The following PPP1R12C variants were observed in gnomAD, a reference collection of about 807,000 sequenced individuals.
PPP1R12C encodes the protein protein phosphatase 1 regulatory subunit 12C, also known as leukocyte receptor cluster (LRC) encoded novel gene 3.
A neutral mutation model predicts 95.6 loss-of-function variants in PPP1R12C; 48 were observed. The observed-to-expected ratio is 0.50, with a 90% CI of 0.40 to 0.64. The LOEUF (loss-of-function observed/expected upper bound fraction) is 0.64. Ranked by LOEUF, PPP1R12C falls within the 30% of genes least tolerant of loss-of-function variation. The pLI is 0.00. For missense variants in PPP1R12C, 1,057 were observed against 1,083.3 expected, an observed-to-expected ratio of 0.98 and a Z score of 0.34; for synonymous variants, 480 against 460.8, an observed-to-expected ratio of 1.04 and a Z score of -0.53.
chr19:55,091,544 G>C lies in PPP1R12C; in HGVS notation c.2277C>G (p.Leu759=), dbSNP rs2084839638. The C allele has an allele frequency of 6.2e-7, 1 of 1,613,814 alleles. No homozygotes were observed. The highest frequency in any genetic ancestry group is 1.3e-5 in the African/African-American group (1 of 75,058). Residue 759 remains leucine (L), a synonymous_variant, in exon 22 of 22, where the codon CTC becomes CTG. Transcript: ENST00000263433. The stretch of plus-strand genomic sequence containing the variant: ...CCTTGAGGCGCTGGTTGTCAGCGCG[G>C]AGGTCAGACAGGGCCTGGGGGACGG... ...LEEELKALSD[L]RADNQRLKDE...
At position 55,117,226 on chromosome 19, in the gene PPP1R12C, G is replaced by A. The variant is rs775174452; in HGVS notation, c.318C>T (p.His106=). 1.1e-5 allele frequency: 13 copies of A among 1,225,052 alleles called. No homozygotes were observed. The highest frequency in any genetic ancestry group is 9.7e-5 in the East Asian group (3 of 30,940). 75.9% of individuals were successfully genotyped at this position (1,225,052 alleles called of 1,614,324 possible). ...STNADGISAL[H]QACIDENLEV... Reference sequence around the variant, plus strand: ...ACGCCGGGCGGGGGGCGCTGACCTGGTGCAGGGCGCTGATACCGTCGGCGT... The same window carrying A: ...ACGCCGGGCGGGGGGCGCTGACCTGATGCAGGGCGCTGATACCGTCGGCGT... Residue 106 remains histidine, a synonymous_variant, in exon 1 of 22, where the codon CAC becomes CAT. Coordinates refer to ENST00000263433, the MANE Select transcript of PPP1R12C (RefSeq NM_017607.4).
rs1360733556 is a variant in PPP1R12C, at chr19:55,091,462, TC to T, written c.*9del. 4 of 1,611,922 alleles carry T rather than the reference TC, an allele frequency of 2.5e-6. No homozygotes were observed. Among genetic ancestry groups the T allele is most frequent in the Non-Finnish European group, 3.4e-6 (4 of 1,178,296 alleles). On this transcript the variant is annotated 3_prime_UTR_variant, in exon 22 of 22. Transcript: ENST00000263433. ...CTGTATAAATACGGGTGCGGGAAAG[TC>T]CCTCCGGGTCACTTGGAGAGTTTGC...
Position 55,095,304 on chromosome 19 carries a change from C to G in PPP1R12C, c.1441G>C (p.Glu481Gln). Residue 481 changes from glutamate to glutamine, a missense_variant, in exon 11 of 22, where the codon GAG (glutamate) becomes CAG (glutamine). By Grantham distance (29) the Glu-to-Gln change is conservative. Coordinates refer to ENST00000263433, the MANE Select transcript of PPP1R12C (RefSeq NM_017607.4). Reference protein sequence around the residue: ...ITPTPSPKLPEPSVLSEVTKP... With the variant: ...ITPTPSPKLPQPSVLSEVTKP... ...CTGGGGACTCACAGGACAGAGGGCT[C>G]CGGCAGCTTCGGGGAGGGGGTCGGG... is the stretch of plus-strand genomic sequence containing the variant. 1 of 1,579,616 alleles carries G rather than the reference C, an allele frequency of 6.3e-7. No individual in the cohort carries two copies. The highest frequency in any genetic ancestry group is 2.3e-5 in the East Asian group (1 of 42,740).
rs142728882 is a variant in PPP1R12C at position 55,110,308 on chromosome 19, G to T, written c.571+2159C>A. Reference sequence around the variant, plus strand: ...GGTTGGTGCAGTGGGTGAGAGTGTAGCATCAAGGTTGGTGCGGTGGGTGAG... The same window carrying T: ...GGTTGGTGCAGTGGGTGAGAGTGTATCATCAAGGTTGGTGCGGTGGGTGAG... On this transcript the variant is annotated intron_variant, in intron 3 of 21. Transcript: ENST00000263433. Among the ~76,000 whole-genome samples the T allele has an allele frequency of 5.1e-3, 770 of 151,856 alleles. 6 individuals are homozygous for T. The highest frequency in any genetic ancestry group is 0.018 in the African/African-American group (728 of 41,326).
At chr19:55,104,776 A>T (rs1721259291) in intron 3 of PPP1R12C, among the ~76,000 whole-genome samples, 1 of 151,234 alleles carries the variant, frequency 6.6e-6, no homozygotes, top group African/African-American at 2.4e-5. Context: ...AGTAAACTTT[A>T]GGCCATATAT....
chr19:55,103,495 C>T lies in PPP1R12C; in HGVS notation c.645G>A (p.Gly215=). Residue 215 remains glycine (G), a synonymous_variant, in exon 4 of 22, where the codon GGG becomes GGA. Transcript: ENST00000263433. ...LLHDTRCWLN[G]GAMPEARHPR... ...GGTGCCGGGCCTCTGGCATGGCGCC[C>T]CCATTCAGCCAGCACCTCGTGTCAT... 1 of 1,603,918 alleles carries T rather than the reference C, an allele frequency of 6.2e-7. No individual in the cohort carries two copies. Among genetic ancestry groups the T allele is most frequent in the South Asian group, 1.1e-5 (1 of 90,400 alleles).
chr19:55,105,874 C>T (rs2085032866), intron 3 of PPP1R12C, among the ~76,000 whole-genome samples: 1 of 151,546 alleles, frequency 6.6e-6, no homozygotes, highest in South Asian at 2.1e-4. Flanking sequence ...CCCACGAGGT[C>T]AAGGCTGCAG....
At chr19:55,100,636 G>A (rs984173508) in intron 4 of PPP1R12C, among the ~76,000 whole-genome samples, 40 of 152,150 alleles carry the variant, frequency 2.6e-4, no homozygotes, top group Middle Eastern at 3.2e-3. Context: ...GTTTTGAGAC[G>A]GAGTCTCACA....
intron 3 of PPP1R12C, among the ~76,000 whole-genome samples, chr19:55,108,953 G>A (rs758288436): frequency 4.0e-4 from 61 of 152,226 alleles, no homozygotes; most frequent in Admixed American, 5.9e-4. Context: ...TGATCCGCCC[G>A]CCTCGGCCTC....
chr19:55,116,011 G>A (rs1236425137), intron 1 of PPP1R12C, among the ~76,000 whole-genome samples: 4 of 152,164 alleles, frequency 2.6e-5, no homozygotes, highest in African/African-American at 9.7e-5. Flanking sequence ...GGTAAGGGGG[G>A]TAGGGGAGCT....
In PPP1R12C at chr19:55,092,769, C is replaced by A. The variant is rs1364875787; in HGVS notation, c.1911+14G>T. On this transcript the variant is annotated intron_variant, in intron 16 of 21. Transcript: ENST00000263433. ...CACCCTCTGCACCAGCTCGGCCCCA[C>A]CTGAGCCCCTCACCTCCGCAGGCCC... 2 of 1,549,332 alleles carry A rather than the reference C, an allele frequency of 1.3e-6. No homozygotes were observed.
chr19:55,100,997 C>A (rs1353849601), intron 4 of PPP1R12C, among the ~76,000 whole-genome samples: 1 of 152,104 alleles, frequency 6.6e-6, no homozygotes, highest in Non-Finnish European at 1.5e-5. Flanking sequence ...TGCCTATAAT[C>A]CAGCACTCTG....
intron 21 of PPP1R12C, 32 bp from the exon 22 acceptor site, chr19:55,091,590 C>T (rs1465909291): frequency 3.1e-6 from 5 of 1,611,262 alleles, no homozygotes; most frequent in Non-Finnish European, 4.2e-6. Context: ...CTGGGCAGCC[C>T]TGGCGGGTTG....
intron 2 of PPP1R12C, 37 bp from the exon 3 acceptor site, chr19:55,112,622 C>A (rs752558564): frequency 2.5e-6 from 4 of 1,612,454 alleles, no homozygotes; most frequent in Middle Eastern, 1.7e-4. Flanking sequence ...AGGGTCCAGG[C>A]CCCCACCCCG....
chr19:55,091,900 G>A lies in PPP1R12C; in HGVS notation c.2170C>T (p.Arg724Cys), dbSNP rs1309069729. The change falls in exon 20 of 22, where the codon CGC (arginine) becomes TGC (cysteine). Residue 724 changes from arginine to cysteine, a missense_variant. Arg to Cys is a radical substitution (Grantham distance 180). Coordinates refer to ENST00000263433, the MANE Select transcript of PPP1R12C (RefSeq NM_017607.4). The stretch of plus-strand genomic sequence containing the variant: ...AGGAGGGCTGGCCTCTCAGCGAAGC[G>A]TTCTTGCCTCTGGTGAGGACACAGA... Reference protein sequence around the residue: ...ELERATQRQERFAERPALLEL... With the variant: ...ELERATQRQECFAERPALLEL... 9.9e-6 allele frequency: 16 copies of A among 1,613,162 alleles called. No individual in the cohort carries two copies. The highest frequency in any genetic ancestry group is 6.7e-5 in the African/African-American group (5 of 74,910).
At chr19:55,096,944 A>G in intron 6 of PPP1R12C, 1 of 144,244 alleles carries the variant, frequency 6.9e-6, no homozygotes, top group Non-Finnish European at 1.4e-5. Context: ...CCTTCCCTGC[A>G]GTTCACCACT....
In PPP1R12C at chr19:55,109,746, G is replaced by A. The variant is rs574277517; in HGVS notation, c.571+2721C>T. 2.6e-5 allele frequency among the ~76,000 whole-genome samples: 4 copies of A among 152,348 alleles called. No homozygotes were observed. The highest frequency in any genetic ancestry group is 1.3e-4 in the Admixed American group (2 of 15,312). ...TCGGGGAATTCTGCATCATGTGGGCGTGTCCTGCAGGGGGTGCAAAAGACC... is the reference window on the plus strand; with the variant it reads ...TCGGGGAATTCTGCATCATGTGGGCATGTCCTGCAGGGGGTGCAAAAGACC... On this transcript the variant is annotated intron_variant, in intron 3 of 21. Coordinates refer to ENST00000263433, the MANE Select transcript of PPP1R12C (RefSeq NM_017607.4). The surrounding 1 kb of genome is among the most constrained non-coding windows in gnomAD (Gnocchi z 4.4).
intron 4 of PPP1R12C, among the ~76,000 whole-genome samples, chr19:55,102,808 G>A (rs567392136): frequency 1.4e-4 from 21 of 152,264 alleles, no homozygotes; most frequent in African/African-American, 4.3e-4. Context: ...AAGGTAAAAC[G>A]ATACATTTCA....
At position 55,092,878 on chromosome 19, in the gene PPP1R12C, G is replaced by T. The variant is rs901227385; in HGVS notation, c.1826-10C>A. 13 of 1,598,584 alleles carry T rather than the reference G, an allele frequency of 8.1e-6. No homozygotes were observed. In the African/African-American group the frequency reaches 1.5e-4, roughly 18 times the overall value. ...CCGTCGGGCGCCTCTGCTGGGGGAGGGGCAGGAATCAGCCCAGGCACCTCC... is the reference window on the plus strand; with the variant it reads ...CCGTCGGGCGCCTCTGCTGGGGGAGTGGCAGGAATCAGCCCAGGCACCTCC... On this transcript the variant is annotated splice_polypyrimidine_tract_variant and intron_variant, in intron 15 of 21. Coordinates refer to ENST00000263433, the MANE Select transcript of PPP1R12C (RefSeq NM_017607.4).
Sources: allele counts gnomAD v4.1 joint callset (sites outside exome capture counted in the v4.1 genomes callset), GRCh38; gene constraint gnomAD v4.1.1; non-coding constraint Gnocchi (gnomAD v3.1); transcripts MANE v1.5; gene names NCBI Gene and HGNC (gene_info 2026-07-23, HGNC 2026-07-21).